The following GRM5 variants were observed in gnomAD, a reference collection of about 807,000 sequenced individuals.
GRM5 encodes the protein glutamate metabotropic receptor 5.
In GRM5, 19 loss-of-function variants were observed where a neutral mutation model predicts 83.1. That is an observed-to-expected ratio of 0.23 (90% CI 0.16 to 0.34). The LOEUF (loss-of-function observed/expected upper bound fraction) is 0.34. Among genes scored for constraint, GRM5 ranks in the 10% least tolerant of loss-of-function variants. The pLI is 1.00. For synonymous variants in GRM5, 675 were observed against 633.6 expected, an observed-to-expected ratio of 1.07 and a Z score of -0.98; for missense variants, 1,160 against 1,588.3, an observed-to-expected ratio of 0.73 and a Z score of 4.58.
intron 2 of GRM5, among the ~76,000 whole-genome samples, chr11:88,977,555 A>C (rs1339988356): frequency 6.6e-6 from 1 of 152,176 alleles, no homozygotes; most frequent in African/African-American, 2.4e-5. Flanking sequence ...GGAACGCAGA[A>C]ATTTAAATTT....
chr11:89,003,196 C>G (rs1046019093), intron 2 of GRM5, among the ~76,000 whole-genome samples: 8 of 152,134 alleles, frequency 5.3e-5, no homozygotes, highest in African/African-American at 1.7e-4. Context: ...GCTACACAAC[C>G]CTTGCTCTCA....
chr11:88,938,748 T>C (rs1429770369), intron 2 of GRM5, among the ~76,000 whole-genome samples: 2 of 151,674 alleles, frequency 1.3e-5, no homozygotes, highest in Non-Finnish European at 3.0e-5. Context: ...GGTCATTCAT[T>C]TGAATGTCTT....
chr11:88,874,313 A>T (rs1176474292), intron 2 of GRM5, among the ~76,000 whole-genome samples: 2 of 151,936 alleles, frequency 1.3e-5, no homozygotes, highest in African/African-American at 4.8e-5. Flanking sequence ...GCTTTTTGAC[A>T]AAGTATCAGA....
chr11:88,934,214 T>C (rs600836), intron 2 of GRM5, among the ~76,000 whole-genome samples: 141,634 of 151,772 alleles, frequency 0.93, 66,444 homozygotes, highest in East Asian at 0.99. Context: ...TACAGAAAGA[T>C]TTTCAAGCTG....
At chr11:88,729,442 G>T (rs185217911) in intron 3 of GRM5, among the ~76,000 whole-genome samples, 2 of 152,102 alleles carry the variant, frequency 1.3e-5, no homozygotes, top group East Asian at 3.9e-4. Context: ...TGTGAAAATG[G>T]CCATATTTCC....
chr11:88,553,061 G>T (rs1486402562), intron 8 of GRM5, among the ~76,000 whole-genome samples: 1 of 152,124 alleles, frequency 6.6e-6, no homozygotes, highest in Non-Finnish European at 1.5e-5. Flanking sequence ...TTTCACTAAA[G>T]TCAATTTGCT....
chr11:89,003,630 G>T (rs985444177), intron 2 of GRM5, among the ~76,000 whole-genome samples: 12 of 152,126 alleles, frequency 7.9e-5, no homozygotes, highest in African/African-American at 2.9e-4. Context: ...ACTAGGATGA[G>T]TTTTAAAGGA....
At chr11:88,695,440 C>T (rs188033730) in intron 3 of GRM5, among the ~76,000 whole-genome samples, 1 of 152,302 alleles carries the variant, frequency 6.6e-6, no homozygotes, top group Admixed American at 6.5e-5. Flanking sequence ...TACATTTCTA[C>T]TTTGTGTGAT....
intron 1 of GRM5, among the ~76,000 whole-genome samples, chr11:89,051,060 T>C (rs1301080471): frequency 4.6e-5 from 7 of 152,058 alleles, no homozygotes; most frequent in South Asian, 4.1e-4. Context: ...CACCAGTTTA[T>C]GTAACAAACC....
chr11:88,735,168 TAAATGATGA>T (rs1941887105), intron 3 of GRM5, among the ~76,000 whole-genome samples: 2 of 152,028 alleles, frequency 1.3e-5, no homozygotes, highest in Non-Finnish European at 2.9e-5. Flanking sequence ...TTTATTTTTT[TAAATGATGA>T]TATTCACCAC....
chr11:88,635,704 A>C (rs930393571), intron 4 of GRM5, among the ~76,000 whole-genome samples: 1 of 151,902 alleles, frequency 6.6e-6, no homozygotes, highest in Admixed American at 6.6e-5. Flanking sequence ...TTCCTTGTCT[A>C]TTTTTGTTTT....
At chr11:88,949,392 C>A (rs191322712) in intron 2 of GRM5, among the ~76,000 whole-genome samples, 1 of 152,336 alleles carries the variant, frequency 6.6e-6, no homozygotes. Context: ...GAAGGCAATA[C>A]ATTGTTCTAC....
At chr11:88,744,859 G>A (rs1418556172) in intron 3 of GRM5, among the ~76,000 whole-genome samples, 1 of 152,102 alleles carries the variant, frequency 6.6e-6, no homozygotes, top group Admixed American at 6.6e-5. Flanking sequence ...CTGAGTTTAA[G>A]GTTGAGGTAA....
At chr11:88,743,406 T>C (rs1942068736) in intron 3 of GRM5, among the ~76,000 whole-genome samples, 1 of 152,156 alleles carries the variant, frequency 6.6e-6, no homozygotes, top group South Asian at 2.1e-4. Flanking sequence ...CTGAGTATAA[T>C]GGAACTTTAT....
chr11:88,798,805 C>CAAA (rs4002396), intron 3 of GRM5, among the ~76,000 whole-genome samples: 1,893 of 53,970 alleles, frequency 0.035, 8 homozygotes, highest in Non-Finnish European at 0.045. Flanking sequence ...ATGAAAACAC[C>CAAA]AAAAAAAAAA....
At chr11:88,897,875 A>G (rs1382935607) in intron 2 of GRM5, among the ~76,000 whole-genome samples, 2 of 152,004 alleles carry the variant, frequency 1.3e-5, no homozygotes, top group Admixed American at 1.3e-4. Flanking sequence ...AGGAGAAAAC[A>G]TGTAAGCTTT....
rs138079564 is a variant in GRM5, at chr11:88,935,231, T to G, written c.662-85076A>C. Among the ~76,000 whole-genome samples the G allele has an allele frequency of 9.1e-3, 1,385 of 152,042 alleles. 25 individuals are homozygous for G. The highest frequency in any genetic ancestry group is 0.07 in the East Asian group (362 of 5,160). On this transcript the variant is annotated intron_variant, in intron 2 of 9. Coordinates refer to ENST00000305447, the MANE Select transcript of GRM5 (RefSeq NM_001143831.3). ...CATGTTCTCTTCCAAAGCAATTGTG[T>G]TGGCTGTCAATTTTCAGGTTAGAAA...
intron 3 of GRM5, among the ~76,000 whole-genome samples, chr11:88,678,530 C>T (rs796337494): frequency 3.3e-5 from 5 of 152,224 alleles, no homozygotes; most frequent in African/African-American, 9.6e-5. Flanking sequence ...ATAATTTTCT[C>T]ATTTATTCTT....
At chr11:88,617,422 A>C (rs372035658) in intron 4 of GRM5, among the ~76,000 whole-genome samples, 29 of 152,294 alleles carry the variant, frequency 1.9e-4, no homozygotes, top group African/African-American at 7.0e-4. Flanking sequence ...TTTTTCCCCA[A>C]TATCTTCAGA....
Sources: gnomAD v4.1 joint callset for allele counts (sites outside exome capture counted in the v4.1 genomes callset) on GRCh38, gnomAD v4.1.1 for gene constraint, MANE v1.5 for transcripts, NCBI Gene and HGNC (gene_info 2026-07-23, HGNC 2026-07-21) for gene names.